Variants in AGO3 observed in about 807,000 individuals in gnomAD.
The protein encoded by AGO3 is protein argonaute-3.
AGO3 carries 16 observed loss-of-function variants against 105.5 expected under a neutral mutation model. The observed-to-expected ratio is 0.15, with a 90% CI of 0.10 to 0.23. The LOEUF (loss-of-function observed/expected upper bound fraction) is 0.23. Among genes scored for constraint, AGO3 ranks in the 10% least tolerant of loss-of-function variants. AGO3 has a pLI of 1.00. For synonymous variants in AGO3, 340 were observed against 367.3 expected, an observed-to-expected ratio of 0.93 and a Z score of 0.85; for missense variants, 534 against 1,088.0, an observed-to-expected ratio of 0.49 and a Z score of 7.16.
chr1:35,952,864 A>G (rs1043753900), intron 2 of AGO3, among the ~76,000 whole-genome samples: 17 of 152,170 alleles, frequency 1.1e-4, no homozygotes, highest in African/African-American at 4.1e-4. Flanking sequence ...ACATATCCCC[A>G]TCGTTAAGTG....
chr1:35,949,735 C>T (rs1338469487), intron 2 of AGO3, among the ~76,000 whole-genome samples: 2 of 152,182 alleles, frequency 1.3e-5, no homozygotes, highest in African/African-American at 4.8e-5. Context: ...GATCCTTCCA[C>T]TTAAGCCTCC....
intron 11 of AGO3, among the ~76,000 whole-genome samples, chr1:36,015,929 A>T (rs572942109): frequency 6.6e-6 from 1 of 152,354 alleles, no homozygotes; most frequent in African/African-American, 2.4e-5. Flanking sequence ...TTTGCAAATC[A>T]GGCAGCTCCT....
At chr1:35,989,711 C>CA (rs996580366) in intron 5 of AGO3, among the ~76,000 whole-genome samples, 21 of 151,898 alleles carry the variant, frequency 1.4e-4, no homozygotes, top group Non-Finnish European at 2.4e-4. Context: ...CCTGTCTCTA[C>CA]AAAAAATATA....
chr1:35,953,815 C>G (rs918448950), intron 2 of AGO3, among the ~76,000 whole-genome samples: 3 of 152,012 alleles, frequency 2.0e-5, no homozygotes, highest in African/African-American at 7.2e-5. Context: ...CCTGCCTGCC[C>G]ATTTTTAAAT....
intron 1 of AGO3, among the ~76,000 whole-genome samples, chr1:35,939,948 T>C (rs980024601): frequency 3.9e-5 from 6 of 152,178 alleles, no homozygotes; most frequent in African/African-American, 1.2e-4. Context: ...ATAAAAGTTA[T>C]GGACTCATGA....
intron 9 of AGO3, among the ~76,000 whole-genome samples, chr1:36,010,601 C>G (rs867165280): frequency 1.1e-5 from 1 of 92,260 alleles, no homozygotes; most frequent in Admixed American, 1.2e-4. Flanking sequence ...GACTCTGTCT[C>G]AAAAAAAAAA....
At chr1:36,026,607 CCT>C (rs1641516802) in intron 11 of AGO3, among the ~76,000 whole-genome samples, 1 of 152,244 alleles carries the variant, frequency 6.6e-6, no homozygotes, top group East Asian at 1.9e-4. Context: ...ACCTGCCGTG[CCT>C]CTTTCTTATG....
chr1:35,934,169 C>T (rs1199066873), intron 1 of AGO3, among the ~76,000 whole-genome samples: 1 of 152,146 alleles, frequency 6.6e-6, no homozygotes, highest in African/African-American at 2.4e-5. Context: ...GAATAGGGAG[C>T]TGCAGAAATG....
In AGO3 at chr1:36,027,004, C is replaced by A; in HGVS notation, c.1407-110C>A. The A allele has an allele frequency of 8.0e-7, 1 of 1,255,656 alleles. No individual in the cohort carries two copies. The highest frequency in any genetic ancestry group is 1.1e-6 in the Non-Finnish European group (1 of 896,598). The allele number at this position is 1,255,656 out of a possible 1,614,324, so 77.8% of individuals were successfully genotyped here. On this transcript the variant is annotated intron_variant, in intron 11 of 18. Coordinates refer to ENST00000373191, the MANE Select transcript of AGO3 (RefSeq NM_024852.4). This position sits in a 1 kb window ranked among gnomAD's most constrained non-coding sequence, Gnocchi z 4.0. The stretch of plus-strand genomic sequence containing the variant: ...GTCTGGTGACCTCTCATATATGAAG[C>A]ACACAAATCTTTGCTTCATCCTTCC...
intron 17 of AGO3, among the ~76,000 whole-genome samples, chr1:36,048,495 A>G (rs1301965596): frequency 6.6e-6 from 1 of 152,208 alleles, no homozygotes; most frequent in East Asian, 1.9e-4. Context: ...CTGGTAGAAC[A>G]GATACACAAG....
chr1:36,012,804 C>G (rs1265491396), intron 9 of AGO3, among the ~76,000 whole-genome samples: 1 of 151,892 alleles, frequency 6.6e-6, no homozygotes, highest in Non-Finnish European at 1.5e-5. Flanking sequence ...CATAGTGGTG[C>G]ATGCCTATGT....
rs1268048974 is a variant in AGO3 at position 36,066,140 on chromosome 1, G to C, written c.*10395G>C. On this transcript the variant is annotated 3_prime_UTR_variant, in exon 19 of 19. Transcript: ENST00000373191. The stretch of plus-strand genomic sequence containing the variant: ...AAACAGATGGAAGTGTTGGTCATTA[G>C]AGCCTTGCTTTTTAAATTTTATTCT... 1 of 152,130 alleles carries C rather than the reference G, an allele frequency of 6.6e-6. No homozygotes were observed. The highest frequency in any genetic ancestry group is 2.4e-5 in the African/African-American group (1 of 41,402). The allele number at this position is 152,130 out of a possible 1,614,324, so 9.4% of individuals were successfully genotyped here.
intron 2 of AGO3, among the ~76,000 whole-genome samples, chr1:35,956,278 G>A (rs1444655838): frequency 6.6e-6 from 1 of 152,140 alleles, no homozygotes; most frequent in Non-Finnish European, 1.5e-5. Flanking sequence ...ATTAGTAATG[G>A]TTTTAACAGA....
intron 2 of AGO3, among the ~76,000 whole-genome samples, chr1:35,947,088 C>T (rs1311911848): frequency 1.3e-5 from 2 of 151,884 alleles, no homozygotes; most frequent in East Asian, 1.9e-4. Context: ...GTAAAAATAA[C>T]ATACATATAA....
rs1273888925 is a variant in AGO3 at position 36,027,366 on chromosome 1, TATC to T, written c.1591+69_1591+71del. On this transcript the variant is annotated intron_variant, in intron 12 of 18. Coordinates refer to ENST00000373191, the MANE Select transcript of AGO3 (RefSeq NM_024852.4). The surrounding 1 kb of genome is among the most constrained non-coding windows in gnomAD (Gnocchi z 4.0). ...GTCCTTTTAGGATTATACTGAAACATATCCTAAAACTTTCAAATATTAAAATAT... is the reference window on the plus strand; with the variant it reads ...GTCCTTTTAGGATTATACTGAAACATCTAAAACTTTCAAATATTAAAATAT... 8.9e-6 allele frequency: 12 copies of T among 1,345,994 alleles called. No individual in the cohort carries two copies. In the East Asian group the frequency reaches 2.7e-4, roughly 30 times the overall value. The allele number at this position is 1,345,994 out of a possible 1,614,324, so 83.4% of individuals were successfully genotyped here.
intron 11 of AGO3, among the ~76,000 whole-genome samples, chr1:36,021,758 T>G (rs1324868104): frequency 2.0e-5 from 3 of 152,182 alleles, no homozygotes; most frequent in Admixed American, 2.0e-4. Context: ...TTAGCCAAGG[T>G]GATCATTAAA....
chr1:35,950,514 CT>C (rs1279316524), intron 2 of AGO3, among the ~76,000 whole-genome samples: 2 of 152,096 alleles, frequency 1.3e-5, no homozygotes, highest in Admixed American at 6.6e-5. Context: ...CTGTCCATTG[CT>C]TTTTTTGTCC....
At chr1:35,976,407 T>TG (rs35183882) in intron 5 of AGO3, among the ~76,000 whole-genome samples, 50 of 152,318 alleles carry the variant, frequency 3.3e-4, no homozygotes, top group Admixed American at 3.1e-3. Context: ...GCGATTTTAT[T>TG]GGGGTTTCTA....
At position 36,069,118 on chromosome 1, in the gene AGO3, TTC is replaced by T. The variant is rs1205064458; in HGVS notation, c.*13375_*13376del. Reference sequence around the variant, plus strand: ...TCACTAAATTGTTGGAGTTCTTTTGTTCTGAGTCAGGGTCTCACTCTGTTGCC... The same window carrying T: ...TCACTAAATTGTTGGAGTTCTTTTGTTGAGTCAGGGTCTCACTCTGTTGCC... On this transcript the variant is annotated 3_prime_UTR_variant, in exon 19 of 19. Transcript: ENST00000373191. 6.6e-6 allele frequency: 1 copy of T among 152,284 alleles called. No individual in the cohort carries two copies. The highest frequency in any genetic ancestry group is 1.5e-5 in the Non-Finnish European group (1 of 68,112). 9.4% of individuals were successfully genotyped at this position (152,284 alleles called of 1,614,324 possible).
Sources: gnomAD v4.1 joint callset for allele counts (sites outside exome capture counted in the v4.1 genomes callset) on GRCh38, gnomAD v4.1.1 for gene constraint, Gnocchi (gnomAD v3.1) non-coding constraint, MANE v1.5 for transcripts, NCBI Gene and HGNC (gene_info 2026-07-23, HGNC 2026-07-21) for gene names.